Variants in GREB1L observed in about 807,000 individuals in gnomAD.
GREB1L encodes GREB1 like retinoic acid receptor coactivator.
In GREB1L, 17 loss-of-function variants were observed where a neutral mutation model predicts 200.8. The ratio of observed to expected loss-of-function variants is 0.08; its 90% CI spans 0.06 to 0.13. The LOEUF is 0.13. Ranked by LOEUF, GREB1L falls within the 10% of genes least tolerant of loss-of-function variation. The probability of loss-of-function intolerance (pLI) is 1.00; values close to 1 mark genes in which losing one functional copy is unlikely to be tolerated. For missense variants in GREB1L, 1,657 were observed against 2,367.7 expected, an observed-to-expected ratio of 0.70 and a Z score of 6.23; for synonymous variants, 789 against 893.0, an observed-to-expected ratio of 0.88 and a Z score of 2.08.
chr18:21,491,725 A>G (rs2036346027), intron 19 of GREB1L, among the ~76,000 whole-genome samples: 1 of 151,720 alleles, frequency 6.6e-6, no homozygotes, highest in African/African-American at 2.4e-5. Flanking sequence ...AAAAAAAAAA[A>G]AATTGTTCTG....
chr18:21,503,495 TGCACCTGGCCAC>T (rs2036884684), intron 23 of GREB1L, among the ~76,000 whole-genome samples: 2 of 151,756 alleles, frequency 1.3e-5, no homozygotes, highest in Admixed American at 1.3e-4. Flanking sequence ...TGTGAGCCAC[TGCACCTGGCCAC>T]TAATAAAAAA....
chr18:21,349,754 G>C (rs1287700036), intron 1 of GREB1L, among the ~76,000 whole-genome samples: 2 of 152,076 alleles, frequency 1.3e-5, no homozygotes, highest in African/African-American at 2.4e-5. Flanking sequence ...TCTAGTTGCA[G>C]AAAAACAAGT....
At chr18:21,347,335 C>A (rs1447641737) in intron 1 of GREB1L, among the ~76,000 whole-genome samples, 1 of 152,024 alleles carries the variant, frequency 6.6e-6, no homozygotes, top group African/African-American at 2.4e-5. Flanking sequence ...CTGTCTACCA[C>A]CTTCCATTTC....
At position 21,525,573 on chromosome 18, in the gene GREB1L, A is replaced by AAT. The variant is rs1555666439; in HGVS notation, c.*2753_*2754dup. Among the ~76,000 whole-genome samples, 1 of 152,186 alleles carries AAT rather than the reference A, an allele frequency of 6.6e-6. No homozygotes were observed. Among genetic ancestry groups the AAT allele is most frequent in the Non-Finnish European group, 1.5e-5 (1 of 68,034 alleles). On this transcript the variant is annotated 3_prime_UTR_variant, in exon 33 of 33. Coordinates refer to ENST00000424526, the MANE Select transcript of GREB1L (RefSeq NM_001142966.3). Reference sequence around the variant, plus strand: ...GTTGAAAACATACATAGTAGATACCAATCTTTTATTTGACAGATTGCAACT... The same window carrying AAT: ...GTTGAAAACATACATAGTAGATACCAATATCTTTTATTTGACAGATTGCAACT...
intron 2 of GREB1L, among the ~76,000 whole-genome samples, chr18:21,368,909 G>A (rs2039771224): frequency 6.6e-6 from 1 of 152,060 alleles, no homozygotes; most frequent in African/African-American, 2.4e-5. Flanking sequence ...TATTTAATGT[G>A]TTATTATTAC....
chr18:21,269,597 A>G (rs1373921839), intron 1 of GREB1L, among the ~76,000 whole-genome samples: 1 of 152,230 alleles, frequency 6.6e-6, no homozygotes, highest in Non-Finnish European at 1.5e-5. Context: ...AATTAATTAA[A>G]ACAAGACATG....
intron 26 of GREB1L, 52 bp from the exon 27 acceptor site, chr18:21,508,335 A>C (rs1727322252): frequency 1.3e-6 from 2 of 1,550,070 alleles, no homozygotes; most frequent in East Asian, 2.4e-5. Flanking sequence ...AAGCGTCTTC[A>C]ATCTAGAGGC....
At chr18:21,368,792 C>T (rs2143693583) in intron 2 of GREB1L, among the ~76,000 whole-genome samples, 1 of 152,162 alleles carries the variant, frequency 6.6e-6, no homozygotes. Context: ...TCTTTGTGCC[C>T]TTGTAATGCT....
chr18:21,252,662 G>A (rs1420670477), intron 1 of GREB1L, among the ~76,000 whole-genome samples: 2 of 151,890 alleles, frequency 1.3e-5, no homozygotes, highest in Non-Finnish European at 2.9e-5. Flanking sequence ...GAGATCAGGA[G>A]TTCAAAACCA....
intron 1 of GREB1L, among the ~76,000 whole-genome samples, chr18:21,266,951 G>T (rs1229094170): frequency 6.6e-6 from 1 of 151,882 alleles, no homozygotes; most frequent in Non-Finnish European, 1.5e-5. Context: ...TCGTTTGTTT[G>T]GAGACAGAGT....
rs888745788 is a variant in GREB1L, at chr18:21,505,331, G to A, written c.4073-81G>A. 7.3e-5 allele frequency: 97 copies of A among 1,321,902 alleles called. No homozygotes were observed. In the East Asian group the frequency reaches 1.7e-3, roughly 24 times the overall value. 81.9% of individuals were successfully genotyped at this position (1,321,902 alleles called of 1,614,324 possible). On this transcript the variant is annotated intron_variant, in intron 23 of 32. Transcript: ENST00000424526. ...CTTTGTCCACCCATCTGGGCTCTAC[G>A]TCCCATAAAAGCCATTCTCTCTGAC...
In GREB1L at chr18:21,461,096, C is replaced by CAA. The variant is rs71178176; in HGVS notation, c.2182+6545_2182+6546dup. On this transcript the variant is annotated intron_variant, in intron 15 of 32. Transcript: ENST00000424526. ...TGGGTGACAGAGTGAGACTCCATCT[C>CAA]AAAAAAAAAAAAAGAAAAAGAAAAA... Among the ~76,000 whole-genome samples, 265 of 129,974 alleles carry CAA rather than the reference C, an allele frequency of 2.0e-3. 3 individuals are homozygous for CAA. Among genetic ancestry groups the CAA allele is most frequent in the Middle Eastern group, 7.6e-3 (2 of 262 alleles). The allele number at this position is 129,974 out of a possible 152,430, so 85.3% of individuals were successfully genotyped here.
At chr18:21,440,190 T>A (rs1324029860) in intron 8 of GREB1L, 79 bp from the exon 9 acceptor site, 3 of 1,398,058 alleles carry the variant, frequency 2.1e-6, no homozygotes, top group Non-Finnish European at 3.0e-6. Flanking sequence ...TTACTTATAT[T>A]ACTCTGGCGT....
At chr18:21,314,715 C>T (rs1029178186) in intron 1 of GREB1L, among the ~76,000 whole-genome samples, 5 of 152,244 alleles carry the variant, frequency 3.3e-5, no homozygotes, top group South Asian at 4.2e-4. Context: ...ATCTATGGTC[C>T]GTGTTGCAGT....
intron 1 of GREB1L, among the ~76,000 whole-genome samples, chr18:21,282,036 G>T (rs949109475): frequency 2.6e-5 from 4 of 152,042 alleles, no homozygotes; most frequent in Non-Finnish European, 5.9e-5. Flanking sequence ...ACTTTGGGAG[G>T]CCAAGGCAGG....
intron 1 of GREB1L, among the ~76,000 whole-genome samples, chr18:21,270,107 C>CAT (rs1488322883): frequency 6.6e-6 from 1 of 152,116 alleles, no homozygotes; most frequent in Non-Finnish European, 1.5e-5. Flanking sequence ...ATATATTGAA[C>CAT]ATATCGTTTG....
chr18:21,376,118 A>G (rs1237122424), intron 2 of GREB1L, among the ~76,000 whole-genome samples: 1 of 151,920 alleles, frequency 6.6e-6, no homozygotes, highest in African/African-American at 2.4e-5. Flanking sequence ...TCTGCTGTAT[A>G]CTTTTTTAAA....
At chr18:21,250,747 TG>T (rs1470644444) in intron 1 of GREB1L, among the ~76,000 whole-genome samples, 2 of 152,208 alleles carry the variant, frequency 1.3e-5, no homozygotes, top group Non-Finnish European at 2.9e-5. Context: ...CATCAGAGGG[TG>T]GGGGAACCTT....
chr18:21,422,268 T>C (rs143525515), intron 7 of GREB1L, among the ~76,000 whole-genome samples: 13 of 152,300 alleles, frequency 8.5e-5, no homozygotes, highest in African/African-American at 3.1e-4. Context: ...GGATCACATT[T>C]TGGATATTTA....
Sources: gnomAD v4.1 joint callset for allele counts (sites outside exome capture counted in the v4.1 genomes callset) on GRCh38, gnomAD v4.1.1 for gene constraint, MANE v1.5 for transcripts, NCBI Gene and HGNC (gene_info 2026-07-23, HGNC 2026-07-21) for gene names.